Variants in U2SURP observed in about 807,000 individuals in gnomAD.
U2SURP encodes the protein U2 snRNP associated SURP domain containing.
In U2SURP, 9 loss-of-function variants were observed where a neutral mutation model predicts 144.9. That is an observed-to-expected ratio of 0.06 (90% CI 0.04 to 0.11). The LOEUF (loss-of-function observed/expected upper bound fraction) is 0.11. Ranked by LOEUF, U2SURP falls within the 10% of genes least tolerant of loss-of-function variation. U2SURP has a pLI of 1.00. For synonymous variants in U2SURP, 408 were observed against 396.8 expected, an observed-to-expected ratio of 1.03 and a Z score of -0.33; for missense variants, 724 against 1,226.7, an observed-to-expected ratio of 0.59 and a Z score of 6.12.
intron 12 of U2SURP, chr3:143,023,327 G>A (rs565890826): frequency 6.0e-6 from 2 of 332,100 alleles, no homozygotes; most frequent in South Asian, 1.1e-4. Flanking sequence ...ATCCAGATTT[G>A]CTTAAGTGTA....
chr3:143,035,784 G>T (rs994278973), intron 19 of U2SURP, among the ~76,000 whole-genome samples, 198 bp from the exon 20 acceptor site: 6 of 151,798 alleles, frequency 4.0e-5, no homozygotes, highest in East Asian at 1.9e-4. Context: ...ATTTTTAGGG[G>T]TTTTTTTCCT....
At chr3:143,017,194 A>G (rs1344493275) in intron 6 of U2SURP, 4 of 397,122 alleles carry the variant, frequency 1.0e-5, no homozygotes, top group South Asian at 9.0e-5. Context: ...AGCAGTGAAC[A>G]TTTGCTATTT....
At chr3:143,051,296 A>G (rs1395735450) in intron 25 of U2SURP, among the ~76,000 whole-genome samples, 5 of 152,224 alleles carry the variant, frequency 3.3e-5, no homozygotes, top group Non-Finnish European at 5.9e-5. Context: ...AATTCTGCTA[A>G]GAGCATGCTT....
At chr3:143,024,452 C>CTTTGTTT (rs1933010320) in intron 13 of U2SURP, 1 of 429,928 alleles carries the variant, frequency 2.3e-6, no homozygotes, top group Middle Eastern at 3.4e-4. Context: ...GAAGGCATAG[C>CTTTGTTT]TTTGTTTTTT....
At chr3:143,026,946 C>T (rs1008002766) in intron 13 of U2SURP, 53 of 423,576 alleles carry the variant, frequency 1.3e-4, no homozygotes, top group African/African-American at 9.2e-4. Context: ...TTTCCATCCC[C>T]TCCCACTTCC....
intron 21 of U2SURP, among the ~76,000 whole-genome samples, chr3:143,037,772 A>G (rs374869724): frequency 5.3e-4 from 80 of 152,252 alleles, no homozygotes; most frequent in African/African-American, 1.9e-3. Flanking sequence ...GCTCTTTGGT[A>G]CATTTGAATT....
chr3:143,046,297 A>AT (rs11400849), intron 24 of U2SURP, among the ~76,000 whole-genome samples: 62,958 of 106,068 alleles, frequency 0.59, 15,715 homozygotes, highest in African/African-American at 0.67. Flanking sequence ...TTTATTTTTT[A>AT]TTTTTTTTTA....
At chr3:143,006,572 A>G (rs948830792) in intron 1 of U2SURP, among the ~76,000 whole-genome samples, 2 of 152,060 alleles carry the variant, frequency 1.3e-5, no homozygotes, top group African/African-American at 4.8e-5. Context: ...CCTGACCAAT[A>G]TGGAGAAACC....
At chr3:143,001,993 C>G (rs545862729) in intron 1 of U2SURP, among the ~76,000 whole-genome samples, 35 of 152,236 alleles carry the variant, frequency 2.3e-4, no homozygotes, top group Non-Finnish European at 4.1e-4. Context: ...TCTCAGCTTC[C>G]TGCGCCCTGA....
chr3:143,035,282 AAGACATAC>A (rs1413578134), intron 19 of U2SURP, among the ~76,000 whole-genome samples: 1 of 152,190 alleles, frequency 6.6e-6, no homozygotes, highest in Non-Finnish European at 1.5e-5. Flanking sequence ...GGCTGGATTA[AAGACATAC>A]ATTTTAATCA....
chr3:143,046,957 C>CG (rs1207482032), intron 24 of U2SURP, among the ~76,000 whole-genome samples: 1 of 131,648 alleles, frequency 7.6e-6, no homozygotes. Context: ...GCTGACCTCC[C>CG]CCACCTCCCT....
intron 12 of U2SURP, among the ~76,000 whole-genome samples, 183 bp from the exon 13 acceptor site, chr3:143,023,792 C>G (rs1161386989): frequency 2.0e-5 from 3 of 152,198 alleles, no homozygotes; most frequent in African/African-American, 7.2e-5. Context: ...TTATTGTTCA[C>G]TGAACACATC....
intron 1 of U2SURP, among the ~76,000 whole-genome samples, chr3:143,008,053 A>G (rs1459971281): frequency 6.6e-6 from 1 of 152,256 alleles, no homozygotes; most frequent in Non-Finnish European, 1.5e-5. Context: ...GCTAACTGAA[A>G]TCAGCTGGTG....
chr3:143,007,280 T>C (rs1935885034), intron 1 of U2SURP, among the ~76,000 whole-genome samples: 1 of 151,838 alleles, frequency 6.6e-6, no homozygotes, highest in African/African-American at 2.4e-5. Flanking sequence ...GTATTTTTCT[T>C]TTCTTTTCTT....
In U2SURP at chr3:143,060,076, A is replaced by G. The variant is rs1366971580; in HGVS notation, c.*3626A>G. 1 of 152,440 alleles carries G rather than the reference A, an allele frequency of 6.6e-6. No individual in the cohort carries two copies. The highest frequency in any genetic ancestry group is 1.5e-5 in the Non-Finnish European group (1 of 67,902). 9.4% of individuals were successfully genotyped at this position (152,440 alleles called of 1,614,324 possible). A position where few individuals can be genotyped will look rare whatever the true frequency, so the allele number is the denominator to read the frequency against. On this transcript the variant is annotated 3_prime_UTR_variant, in exon 28 of 28. Coordinates refer to ENST00000473835, the MANE Select transcript of U2SURP (RefSeq NM_001080415.2). ...TCCATTGTTGAAAATTTGATGCCTC[A>G]GTGTTTATTCAGTACCACCTCATGG...
intron 20 of U2SURP, among the ~76,000 whole-genome samples, chr3:143,036,559 A>G (rs1933820592): frequency 9.2e-5 from 14 of 152,104 alleles, no homozygotes; most frequent in Admixed American, 9.2e-4. Flanking sequence ...CTGCCATGCT[A>G]GTCAAGCTAT....
At chr3:143,023,337 A>T (rs1434679057) in intron 12 of U2SURP, 1 of 296,984 alleles carries the variant, frequency 3.4e-6, no homozygotes, top group Non-Finnish European at 6.2e-6. Flanking sequence ...GCTTAAGTGT[A>T]TTAACTAAAT....
At chr3:143,038,336 T>C (rs1933920536) in intron 22 of U2SURP, 133 bp downstream of exon 22, 1 of 652,504 alleles carries the variant, frequency 1.5e-6, no homozygotes, top group Non-Finnish European at 2.4e-6. Flanking sequence ...TCATATTTTG[T>C]GTCTAATGTA....
intron 23 of U2SURP, among the ~76,000 whole-genome samples, chr3:143,039,274 G>A (rs1274637767): frequency 6.6e-6 from 1 of 151,774 alleles, no homozygotes; most frequent in Non-Finnish European, 1.5e-5. Context: ...ATAAAAAGTG[G>A]TTTTTAAAAT....
Sources: allele counts gnomAD v4.1 joint callset (sites outside exome capture counted in the v4.1 genomes callset), GRCh38; gene constraint gnomAD v4.1.1; transcripts MANE v1.5; gene names NCBI Gene and HGNC (gene_info 2026-07-23, HGNC 2026-07-21).